Variants in HOXA10 observed in about 807,000 individuals in gnomAD.
HOXA10 encodes homeobox A10, also known as homeobox protein Hox-A10.
A neutral mutation model predicts 29.7 loss-of-function variants in HOXA10; 12 were observed. That is an observed-to-expected ratio of 0.40 (90% CI 0.26 to 0.65). HOXA10 has a LOEUF of 0.65. Among genes scored for constraint, HOXA10 ranks in the 30% least tolerant of loss-of-function variants. HOXA10 has a pLI of 0.37. For missense variants in HOXA10, 656 were observed against 585.9 expected, an observed-to-expected ratio of 1.12 and a Z score of -1.24; for synonymous variants, 327 against 280.7, an observed-to-expected ratio of 1.16 and a Z score of -1.65.
chr7:27,173,635 C>A lies in HOXA10; in HGVS notation c.672G>T (p.Lys224Asn). Residue 224 changes from lysine (K) to asparagine (N), a missense_variant, in exon 1 of 2, where the codon AAG (lysine) becomes AAT (asparagine). Lys to Asn is a moderately conservative substitution (Grantham distance 94, BLOSUM62 0). Around this residue, in one of 2 missense-constraint regions of HOXA10, gnomAD observed 594 missense variants for 491.9 expected, o/e 1.21. Coordinates refer to ENST00000283921, the MANE Select transcript of HOXA10 (RefSeq NM_018951.4). ...FRLSQAYGTA[K>N]GYGSGGGGAQ... ...CGCCGCCGCCGCCGCTGCCATAGCC[C>A]TTGGCGGTGCCGTAGGCCTGAGAAA... 6.5e-7 allele frequency: 1 copy of A among 1,544,724 alleles called. No individual in the cohort carries two copies. Among genetic ancestry groups the A allele is most frequent in the Non-Finnish European group, 8.7e-7 (1 of 1,144,794 alleles).
upstream of HOXA10, chr7:27,174,335 T>C (rs760014602): frequency 1.3e-6 from 2 of 1,596,598 alleles, no homozygotes. Flanking sequence ...TGAATACGAT[T>C]AGCAATCCCC....
rs565247011 is a variant in HOXA10, at chr7:27,173,530, G to C, written c.777C>G (p.Gly259=). 3.1e-5 allele frequency: 45 copies of C among 1,457,014 alleles called. 1 individual carries two copies. The South Asian group carries it at 5.8e-4, about 19-fold the overall frequency. 90.3% of individuals were successfully genotyped at this position (1,457,014 alleles called of 1,614,324 possible). Residue 259 remains glycine, a synonymous_variant, in exon 1 of 2, where the codon GGC becomes GGG. Transcript: ENST00000283921. ...GFDLPPALAS[G]SADAARKERA... ...GCTCCTTCCGGGCCGCATCGGCCGA[G>C]CCGGAGGCTAGCGCGGGCGGGAGAT...
At chr7:27,172,254 TC>T in intron 1 of HOXA10, 81 bp from the exon 2 acceptor site, 1 of 1,407,250 alleles carries the variant, frequency 7.1e-7, no homozygotes, top group Non-Finnish European at 1.0e-6. Flanking sequence ...CCTCCGTTTC[TC>T]CCATAAGAGA....
upstream of HOXA10, among the ~76,000 whole-genome samples, chr7:27,177,498 C>G (rs549965191): frequency 1.4e-4 from 21 of 152,152 alleles, no homozygotes; most frequent in Non-Finnish European, 1.5e-4. Flanking sequence ...AGGATACTAA[C>G]GCAGCAGAAG....
In HOXA10 at chr7:27,171,938, G is replaced by A. The variant is rs1783504187; in HGVS notation, c.1194C>T (p.Asn398=). The part of the protein sequence containing the change: ...RMKLKKMNRE[N]RIRELTANFN... ...AGTTGGCTGTGAGCTCCCGGATCCGGTTTTCTCGATTCATTTTCTTCAGTT... is the reference window on the plus strand; with the variant it reads ...AGTTGGCTGTGAGCTCCCGGATCCGATTTTCTCGATTCATTTTCTTCAGTT... The change falls in exon 2 of 2, where the codon AAC becomes AAT. Residue 398 remains asparagine (N), a synonymous_variant. Transcript: ENST00000283921. 1.9e-6 allele frequency: 3 copies of A among 1,614,044 alleles called. No homozygotes were observed. Among genetic ancestry groups the A allele is most frequent in the Non-Finnish European group, 1.7e-6 (2 of 1,180,042 alleles).
chr7:27,174,214 G>C lies in HOXA10; in HGVS notation c.93C>G (p.Val31=). Residue 31 remains valine (V), a synonymous_variant, in exon 1 of 2, where the codon GTC becomes GTG. Coordinates refer to ENST00000283921, the MANE Select transcript of HOXA10 (RefSeq NM_018951.4). The part of the protein sequence containing the change: ...SESPAANSFL[V]DSLISSGRGE... ...CTCTGCCCGAGCTGATGAGCGAGTC[G>C]ACCAAAAAAGAGTTCGCGGCGGGGC... 3 of 1,601,352 alleles carry C rather than the reference G, an allele frequency of 1.9e-6. No homozygotes were observed. The highest frequency in any genetic ancestry group is 2.5e-6 in the Non-Finnish European group (3 of 1,179,826).
chr7:27,174,110 G>A lies in HOXA10; in HGVS notation c.197C>T (p.Pro66Leu), dbSNP rs781368034. Residue 66 changes from proline (P) to leucine (L), a missense_variant, in exon 1 of 2, where the codon CCG becomes CTG. Transcript: ENST00000283921. ...CCCGTAGGGCAGGTCGGCGGCGGGC[G>A]GCAGGTAGACCCCGCCGTGGGCGTA... ...GYYAHGGVYL[P>L]PAADLPYGLQ... is the part of the protein sequence containing the mutation. 4 of 1,578,610 alleles carry A rather than the reference G, an allele frequency of 2.5e-6. No individual in the cohort carries two copies. The South Asian group carries it at 4.4e-5, about 18-fold the overall frequency.
chr7:27,179,078 A>C (rs931150492), upstream of HOXA10, among the ~76,000 whole-genome samples: 4 of 152,278 alleles, frequency 2.6e-5, no homozygotes, highest in Non-Finnish European at 5.9e-5. Context: ...CCAAGTATGC[A>C]ACACAGAGAC....
upstream of HOXA10, among the ~76,000 whole-genome samples, chr7:27,178,371 T>C (rs567040751): frequency 3.2e-4 from 49 of 152,402 alleles, no homozygotes; most frequent in African/African-American, 1.1e-3. Context: ...ATATTTGATG[T>C]GTCTGTTTTG....
At chr7:27,174,377 C>T, upstream of HOXA10, 3 of 1,578,156 alleles carry the variant, frequency 1.9e-6, no homozygotes, top group Non-Finnish European at 2.6e-6. Flanking sequence ...CAGCCAATCC[C>T]GAGCCAGAGT....
At chr7:27,176,805 C>T (rs960100445), upstream of HOXA10, among the ~76,000 whole-genome samples, 6 of 152,366 alleles carry the variant, frequency 3.9e-5, no homozygotes, top group Non-Finnish European at 7.3e-5. Context: ...CTTAACCTAT[C>T]TTTCCTAACC....
chr7:27,171,424 A>C lies in HOXA10; in HGVS notation c.*475T>G, dbSNP rs1341051458. Reference sequence around the variant, plus strand: ...AGGGGCCTGTATCCCCTGATTAAACACAGCACAGCACTCCAGGCAGACATG... The same window carrying C: ...AGGGGCCTGTATCCCCTGATTAAACCCAGCACAGCACTCCAGGCAGACATG... On this transcript the variant is annotated 3_prime_UTR_variant, in exon 2 of 2. Transcript: ENST00000283921. The C allele has an allele frequency of 6.6e-6, 3 of 455,602 alleles. No individual in the cohort carries two copies. Among genetic ancestry groups the C allele is most frequent in the Non-Finnish European group, 1.3e-5 (3 of 227,608 alleles). 28.2% of individuals were successfully genotyped at this position (455,602 alleles called of 1,614,324 possible). A position where few individuals can be genotyped will look rare whatever the true frequency, so the allele number is the denominator to read the frequency against.
upstream of HOXA10, chr7:27,174,644 C>G (rs762939702): frequency 5.4e-6 from 2 of 372,554 alleles, no homozygotes; most frequent in Non-Finnish European, 9.8e-6. Context: ...CCTTGGGCCC[C>G]GCGCAGTTAA....
chr7:27,173,033 A>AGG (rs1783543069), intron 1 of HOXA10: 1 of 381,578 alleles, frequency 2.6e-6, no homozygotes, highest in Non-Finnish European at 4.8e-6. Flanking sequence ...CAGGCTGGGC[A>AGG]GGGACCAGGG....
In HOXA10 at chr7:27,174,176, C is replaced by T. The variant is rs778831085; in HGVS notation, c.131G>A (p.Gly44Asp). The change falls in exon 1 of 2, where the codon GGC (glycine) becomes GAC (aspartate). Residue 44 changes from glycine to aspartate, a missense_variant. Physicochemically the swap from Gly to Asp is moderately conservative, Grantham distance 94. Transcript: ENST00000283921. ...LISSGRGEAG[G>D]GGGGAGGGGG... ...GCCGCCCCCCGCGCCACCACCACCGCCGCCTGCCTCGCCTCTGCCCGAGCT... is the reference window on the plus strand; with the variant it reads ...GCCGCCCCCCGCGCCACCACCACCGTCGCCTGCCTCGCCTCTGCCCGAGCT... The T allele has an allele frequency of 6.3e-7, 1 of 1,598,696 alleles. No individual in the cohort carries two copies. Among genetic ancestry groups the T allele is most frequent in the Non-Finnish European group, 8.5e-7 (1 of 1,179,454 alleles).
Position 27,173,968 on chromosome 7 carries a change from C to A in HOXA10, c.339G>T (p.Ser113=), listed in dbSNP as rs1783588424. 1.3e-6 allele frequency: 2 copies of A among 1,529,054 alleles called. No homozygotes were observed. Among genetic ancestry groups the A allele is most frequent in the Non-Finnish European group, 1.8e-6 (2 of 1,141,964 alleles). 94.7% of individuals were successfully genotyped at this position (1,529,054 alleles called of 1,614,324 possible). A position where few individuals can be genotyped will look rare whatever the true frequency, so the allele number is the denominator to read the frequency against. Residue 113 remains serine (S), a synonymous_variant, in exon 1 of 2, where the codon TCG becomes TCT. Transcript: ENST00000283921. The part of the protein sequence containing the change: ...LGPGAHGYGP[S]PIDLWLDAPR... Reference sequence around the variant, plus strand: ...GCGCGTCTAGCCACAGGTCTATGGGCGAGGGCCCGTAGCCGTGCGCCCCGG... The same window carrying A: ...GCGCGTCTAGCCACAGGTCTATGGGAGAGGGCCCGTAGCCGTGCGCCCCGG...
At position 27,174,004 on chromosome 7, in the gene HOXA10, C is replaced by CCCGCCA. The variant is rs747986816; in HGVS notation, c.297_302dup (p.Gly101_Gly102dup). 1,674 of 1,528,606 alleles carry CCCGCCA rather than the reference C, an allele frequency of 1.1e-3. No individual in the cohort carries two copies. The highest frequency in any genetic ancestry group is 1.3e-3 in the Non-Finnish European group (1,485 of 1,143,822). 94.7% of individuals were successfully genotyped at this position (1,528,606 alleles called of 1,614,324 possible). A position where few individuals can be genotyped will look rare whatever the true frequency, so the allele number is the denominator to read the frequency against. ...AGCCGTGCGCCCCGGGACCTAGACCCCCGCCACCGCCACCGCTGCCCGGCG... is the reference window on the plus strand; with the variant it reads ...AGCCGTGCGCCCCGGGACCTAGACCCCCGCCACCGCCACCGCCACCGCTGCCCGGCG... On this transcript the variant is annotated inframe_insertion, in exon 1 of 2. Transcript: ENST00000283921.
Position 27,173,553 on chromosome 7 carries a change from G to A in HOXA10, c.754C>T (p.Leu252Phe). ...PAQPPGRGFD[L>F]PPALASGSAD... is the part of the protein sequence containing the mutation. ...GAGCCGGAGGCTAGCGCGGGCGGGAGATCGAAACCGCGCCCCGGGGGCTGC... is the reference window on the plus strand; with the variant it reads ...GAGCCGGAGGCTAGCGCGGGCGGGAAATCGAAACCGCGCCCCGGGGGCTGC... Residue 252 changes from leucine (L) to phenylalanine (F), a missense_variant, in exon 1 of 2, where the codon CTC becomes TTC. Transcript: ENST00000283921. The A allele has an allele frequency of 6.9e-7, 1 of 1,458,222 alleles. No homozygotes were observed. Among genetic ancestry groups the A allele is most frequent in the Non-Finnish European group, 9.0e-7 (1 of 1,113,744 alleles). The allele number at this position is 1,458,222 out of a possible 1,614,324, so 90.3% of individuals were successfully genotyped here. A position where few individuals can be genotyped will look rare whatever the true frequency, so the allele number is the denominator to read the frequency against.
upstream of HOXA10, chr7:27,174,648 C>A (rs1175053085): frequency 2.7e-6 from 1 of 368,550 alleles, no homozygotes; most frequent in Non-Finnish European, 5.0e-6. Flanking sequence ...GGGCCCCGCG[C>A]AGTTAACAAG....
Sources: gnomAD v4.1 joint callset for allele counts (sites outside exome capture counted in the v4.1 genomes callset) on GRCh38, gnomAD v4.1.1 for gene constraint, gnomAD v4.1.1 regional missense constraint, MANE v1.5 for transcripts, NCBI Gene and HGNC (gene_info 2026-07-23, HGNC 2026-07-21) for gene names.